Variants in LIN9 observed in about 807,000 individuals in gnomAD.
The protein encoded by LIN9 is lin-9 DREAM MuvB core complex component, also known as protein lin-9 homolog.
Under a neutral mutation model 78.0 loss-of-function variants are expected in LIN9, and 18 were observed. That is an observed-to-expected ratio of 0.23 (90% CI 0.16 to 0.34). LIN9 has a LOEUF of 0.34. Ranked by LOEUF, LIN9 falls within the 10% of genes least tolerant of loss-of-function variation. The pLI is 1.00. For missense variants in LIN9, 451 were observed against 644.1 expected, an observed-to-expected ratio of 0.70 and a Z score of 3.25; for synonymous variants, 192 against 215.2, an observed-to-expected ratio of 0.89 and a Z score of 0.94.
At chr1:226,273,985 A>G (rs1660473706) in intron 7 of LIN9, among the ~76,000 whole-genome samples, 1 of 152,016 alleles carries the variant, frequency 6.6e-6, no homozygotes, top group Non-Finnish European at 1.5e-5. Context: ...TTACAGGCGT[A>G]CATCACTATT....
chr1:226,275,910 C>T (rs1346457558), intron 7 of LIN9, among the ~76,000 whole-genome samples: 1 of 151,864 alleles, frequency 6.6e-6, no homozygotes, highest in African/African-American at 2.4e-5. Context: ...TGCCGGTAAT[C>T]CCAGTTACTC....
intron 11 of LIN9, among the ~76,000 whole-genome samples, chr1:226,244,517 T>C (rs1188120180): frequency 1.3e-5 from 2 of 152,190 alleles, no homozygotes; most frequent in Admixed American, 6.5e-5. Flanking sequence ...TTTGAACCAT[T>C]AGAAATAACT....
rs1172428935 is a variant in LIN9 at position 226,231,303 on chromosome 1, C to T, written c.*1198G>A. The T allele has an allele frequency of 1.3e-5, 2 of 152,402 alleles. No homozygotes were observed. The highest frequency in any genetic ancestry group is 1.3e-4 in the Admixed American group (2 of 15,250). 9.4% of individuals were successfully genotyped at this position (152,402 alleles called of 1,614,324 possible). A position where few individuals can be genotyped will look rare whatever the true frequency, so the allele number is the denominator to read the frequency against. On this transcript the variant is annotated 3_prime_UTR_variant, in exon 15 of 15. Coordinates refer to ENST00000681046, the MANE Select transcript of LIN9 (RefSeq NM_001366245.2). ...CAATACCAACAAAGAATACGGAAGCCTTTTTAAACTATACAAAAATTTCAA... is the reference window on the plus strand; with the variant it reads ...CAATACCAACAAAGAATACGGAAGCTTTTTTAAACTATACAAAAATTTCAA...
At chr1:226,275,419 G>A (rs1000738818) in intron 7 of LIN9, among the ~76,000 whole-genome samples, 2 of 152,146 alleles carry the variant, frequency 1.3e-5, no homozygotes, top group African/African-American at 4.8e-5. Context: ...GGCTAGGCTG[G>A]GTGCGGTGGC....
intron 6 of LIN9, among the ~76,000 whole-genome samples, chr1:226,285,198 G>A (rs941905025): frequency 6.6e-6 from 1 of 152,024 alleles, no homozygotes; most frequent in African/African-American, 2.4e-5. Context: ...CACTCTGATG[G>A]ACAATAATTA....
In LIN9 at chr1:226,232,107, G is replaced by A. The variant is rs1327536491; in HGVS notation, c.*394C>T. On this transcript the variant is annotated 3_prime_UTR_variant, in exon 15 of 15. Transcript: ENST00000681046. The stretch of plus-strand genomic sequence containing the variant: ...TGGATGGAATTTCCACACTGCCACC[G>A]ACATGAATAAAAAGACCAGGTTTCT... The A allele has an allele frequency of 1.5e-5, 6 of 398,486 alleles. No homozygotes were observed. The highest frequency in any genetic ancestry group is 8.2e-5 in the African/African-American group (4 of 48,524). 24.7% of individuals were successfully genotyped at this position (398,486 alleles called of 1,614,324 possible). A position where few individuals can be genotyped will look rare whatever the true frequency, so the allele number is the denominator to read the frequency against.
At position 226,258,102 on chromosome 1, in the gene LIN9, TA is replaced by T. The variant is rs572560422; in HGVS notation, c.1039-7184del. ...GGGAGGCTGAGGTGGGAGGATTGCT[TA>T]AGTCCAGGAGGTTGAGGCTGTAGTG... is the stretch of plus-strand genomic sequence containing the variant. On this transcript the variant is annotated intron_variant, in intron 10 of 14. Transcript: ENST00000681046. Among the ~76,000 whole-genome samples the T allele has an allele frequency of 6.6e-5, 10 of 152,114 alleles. No homozygotes were observed. In the East Asian group the frequency reaches 1.9e-3, roughly 29 times the overall value.
intron 1 of LIN9, among the ~76,000 whole-genome samples, chr1:226,306,908 A>G (rs1576369529): frequency 6.6e-6 from 1 of 152,220 alleles, no homozygotes; most frequent in East Asian, 1.9e-4. Flanking sequence ...TATGACAAAG[A>G]AAGAAAGAAA....
intron 7 of LIN9, among the ~76,000 whole-genome samples, chr1:226,268,419 T>C (rs779861312): frequency 2.0e-5 from 3 of 152,246 alleles, no homozygotes; most frequent in Middle Eastern, 3.4e-3. Flanking sequence ...CCAGGAGTAG[T>C]TCAATTTAAA....
chr1:226,240,240 G>A (rs141501460), intron 11 of LIN9, among the ~76,000 whole-genome samples: 206 of 152,308 alleles, frequency 1.4e-3, no homozygotes, highest in African/African-American at 4.7e-3. Flanking sequence ...TGCACTAAGA[G>A]TGGTTTTGTT....
At chr1:226,241,836 C>T (rs375023396) in intron 11 of LIN9, among the ~76,000 whole-genome samples, 41 of 150,038 alleles carry the variant, frequency 2.7e-4, no homozygotes, top group African/African-American at 8.8e-4. Context: ...CCAGCCTGGG[C>T]GACAGAGCGA....
intron 10 of LIN9, among the ~76,000 whole-genome samples, chr1:226,251,614 G>T (rs1407212734): frequency 6.6e-6 from 1 of 152,142 alleles, no homozygotes; most frequent in African/African-American, 2.4e-5. Context: ...TGCCCATCTT[G>T]GCCTCCCAAA....
chr1:226,266,254 G>T lies in LIN9; in HGVS notation c.895C>A (p.Pro299Thr). The change falls in exon 9 of 15, where the codon CCA becomes ACA. Residue 299 changes from proline to threonine, a missense_variant. Transcript: ENST00000681046. Reference sequence around the variant, plus strand: ...AGAGGAGGAGTATAATGTAACCGTGGTGGGGTCATAAAAAATCGAGAAGGC... The same window carrying T: ...AGAGGAGGAGTATAATGTAACCGTGTTGGGGTCATAAAAAATCGAGAAGGC... ...QRPSRFFMTP[P>T]RLHYTPPLQS... 2 of 1,600,628 alleles carry T rather than the reference G, an allele frequency of 1.2e-6. No homozygotes were observed. Among genetic ancestry groups the T allele is most frequent in the Non-Finnish European group, 1.7e-6 (2 of 1,171,254 alleles).
At chr1:226,285,716 ATTAAT>A (rs1268935564) in intron 6 of LIN9, among the ~76,000 whole-genome samples, 1 of 152,204 alleles carries the variant, frequency 6.6e-6, no homozygotes, top group African/African-American at 2.4e-5. Context: ...TATTAGATAG[ATTAAT>A]TTGTTTTCTA....
chr1:226,261,377 A>T (rs1462706291), intron 10 of LIN9, among the ~76,000 whole-genome samples: 1 of 152,050 alleles, frequency 6.6e-6, no homozygotes, highest in East Asian at 1.9e-4. Context: ...CTGTCTACGT[A>T]GACAATCTGA....
chr1:226,243,939 A>G (rs1452878372), intron 11 of LIN9, among the ~76,000 whole-genome samples: 1 of 150,932 alleles, frequency 6.6e-6, no homozygotes, highest in African/African-American at 2.4e-5. Context: ...CAGTGGCACA[A>G]TCTCGGCTTA....
chr1:226,238,600 C>G (rs1657894136), intron 12 of LIN9, among the ~76,000 whole-genome samples: 1 of 151,794 alleles, frequency 6.6e-6, no homozygotes, highest in African/African-American at 2.4e-5. Flanking sequence ...TGTACTCCAG[C>G]CTGGTCAACA....
At chr1:226,277,573 C>T (rs1014249560) in intron 7 of LIN9, among the ~76,000 whole-genome samples, 1 of 152,104 alleles carries the variant, frequency 6.6e-6, no homozygotes, top group Non-Finnish European at 1.5e-5. Context: ...GTGATGTGTA[C>T]TACAGAACCC....
Position 226,231,333 on chromosome 1 carries a change from A to G in LIN9, c.*1168T>C, listed in dbSNP as rs553569352. 1 of 152,698 alleles carries G rather than the reference A, an allele frequency of 6.5e-6. No individual in the cohort carries two copies. The highest frequency in any genetic ancestry group is 1.5e-5 in the Non-Finnish European group (1 of 68,006). The allele number at this position is 152,698 out of a possible 1,614,324, so 9.5% of individuals were successfully genotyped here. A position where few individuals can be genotyped will look rare whatever the true frequency, so the allele number is the denominator to read the frequency against. On this transcript the variant is annotated 3_prime_UTR_variant, in exon 15 of 15. Transcript: ENST00000681046. The stretch of plus-strand genomic sequence containing the variant: ...TAAACTATACAAAAATTTCAAATGG[A>G]AAATAATCTTGTTTCAGTTTTATTA...
Sources: gnomAD v4.1 joint callset for allele counts (sites outside exome capture counted in the v4.1 genomes callset) on GRCh38, gnomAD v4.1.1 for gene constraint, MANE v1.5 for transcripts, NCBI Gene and HGNC (gene_info 2026-07-23, HGNC 2026-07-21) for gene names.